IL1RAPL1: variants seen among roughly 807,000 people sequenced by gnomAD.
IL1RAPL1 encodes interleukin-1 receptor accessory protein-like 1.
Under a neutral mutation model 48.4 loss-of-function variants are expected in IL1RAPL1, and 3 were observed. The observed-to-expected ratio is 0.06, with a 90% CI of 0.03 to 0.16. The LOEUF (loss-of-function observed/expected upper bound fraction) is 0.16, where lower values mean the gene tolerates loss of function less well. Among genes scored for constraint, IL1RAPL1 ranks in the 10% least tolerant of loss-of-function variants. IL1RAPL1 has a pLI of 1.00. For missense variants in IL1RAPL1, 349 were observed against 530.6 expected (o/e 0.66, Z 3.36); for synonymous variants, 185 against 187.7 (o/e 0.99, Z 0.12).
At chrX:29,450,120 T>C (rs1015228923) in intron 5 of IL1RAPL1, among the ~76,000 whole-genome samples, 8 of 112,137 alleles carry the variant, frequency 7.1e-5, no homozygotes, top group Non-Finnish European at 1.3e-4. Flanking sequence ...TGTTTTGCTT[T>C]GTAATTAAGG....
chrX:29,596,393 T>C (rs1326731599), intron 5 of IL1RAPL1, among the ~76,000 whole-genome samples: 1 of 112,346 alleles, frequency 8.9e-6, no homozygotes, highest in Non-Finnish European at 1.9e-5. Flanking sequence ...GTTTGTATCA[T>C]CTATGATTTC....
chrX:29,340,496 G>A (rs766043549), intron 3 of IL1RAPL1, among the ~76,000 whole-genome samples: 1 of 111,742 alleles, frequency 8.9e-6, no homozygotes, highest in Admixed American at 9.5e-5. Context: ...ATGTTCATCC[G>A]CATTCTGTCG....
intron 5 of IL1RAPL1, among the ~76,000 whole-genome samples, chrX:29,476,291 G>A (rs1442268482): frequency 8.9e-6 from 1 of 111,859 alleles, no homozygotes; most frequent in East Asian, 2.8e-4. Flanking sequence ...CATAATAAAG[G>A]CAAAAACAAT....
At chrX:29,872,897 G>C (rs1347866000) in intron 6 of IL1RAPL1, among the ~76,000 whole-genome samples, 3 of 112,515 alleles carry the variant, frequency 2.7e-5, no homozygotes, top group Non-Finnish European at 5.6e-5. Flanking sequence ...TAAAAGGTGA[G>C]AGAAAGAATG....
intron 2 of IL1RAPL1, among the ~76,000 whole-genome samples, chrX:28,915,715 T>C (rs1272471810): frequency 1.8e-5 from 2 of 111,190 alleles, no homozygotes; most frequent in Non-Finnish European, 3.8e-5. Flanking sequence ...TATCTATAAA[T>C]GAGATTAAAA....
chrX:28,832,392 T>C (rs59253348), intron 2 of IL1RAPL1, among the ~76,000 whole-genome samples: 12,456 of 111,150 alleles, frequency 0.11, 1,184 homozygotes, highest in East Asian at 0.31. Context: ...TTGTTTTTAT[T>C]CTACTCAATA....
intron 9 of IL1RAPL1, among the ~76,000 whole-genome samples, chrX:29,946,741 G>T (rs183136455): frequency 2.9e-4 from 33 of 111,905 alleles, no homozygotes; most frequent in African/African-American, 1.0e-3. Context: ...CCAGTGGTAG[G>T]ATTGAACTCA....
chrX:29,816,171 A>G (rs184153059), intron 6 of IL1RAPL1, among the ~76,000 whole-genome samples: 83 of 111,475 alleles, frequency 7.4e-4, no homozygotes, highest in African/African-American at 2.5e-3. Context: ...TAAATAGACT[A>G]CTAGTTAGAT....
At chrX:29,183,150 A>T (rs140779826) in intron 2 of IL1RAPL1, among the ~76,000 whole-genome samples, 507 of 111,713 alleles carry the variant, frequency 4.5e-3, no homozygotes, top group Non-Finnish European at 6.8e-3. Flanking sequence ...TCATGTCCCA[A>T]GTACTTAAGG....
chrX:29,187,652 C>T (rs993597550), intron 2 of IL1RAPL1, among the ~76,000 whole-genome samples: 4 of 85,302 alleles, frequency 4.7e-5, no homozygotes, highest in African/African-American at 1.5e-4. Flanking sequence ...CACCAAAGTA[C>T]CTCTACTTGC....
At chrX:29,925,084 G>A (rs546176269) in intron 8 of IL1RAPL1, among the ~76,000 whole-genome samples, 3 of 111,012 alleles carry the variant, frequency 2.7e-5, no homozygotes, top group Admixed American at 9.7e-5. Context: ...GTCATAAAAC[G>A]GTGCAAACTT....
intron 5 of IL1RAPL1, among the ~76,000 whole-genome samples, chrX:29,572,505 A>C (rs12556307): frequency 0.13 from 15,015 of 112,010 alleles, 1,786 homozygotes; most frequent in African/African-American, 0.39. Context: ...TTTTTAATGA[A>C]AATTTGTTTA....
chrX:28,717,139 A>T, intron 1 of IL1RAPL1, among the ~76,000 whole-genome samples: 1 of 112,133 alleles, frequency 8.9e-6, no homozygotes, highest in Non-Finnish European at 1.9e-5. Flanking sequence ...CAGCAATCCC[A>T]TTACTGGGTA....
intron 3 of IL1RAPL1, among the ~76,000 whole-genome samples, chrX:29,323,713 TTATATATATATATATATATATA>T (rs1172683563): frequency 3.7e-4 from 4 of 10,952 alleles, no homozygotes; most frequent in East Asian, 2.9e-3. Flanking sequence ...ACTGAATTTT[TTATATATATATATATATATATA>T]TATATATATA....
chrX:28,851,026 T>C (rs1308186614), intron 2 of IL1RAPL1, among the ~76,000 whole-genome samples: 4 of 106,115 alleles, frequency 3.8e-5, no homozygotes, highest in Non-Finnish European at 3.9e-5. Context: ...TGATGACTCT[T>C]TACTAGGTCC....
chrX:28,960,561 A>G (rs1296974145), intron 2 of IL1RAPL1, among the ~76,000 whole-genome samples: 2 of 112,004 alleles, frequency 1.8e-5, no homozygotes, highest in South Asian at 3.7e-4. Context: ...GTACATGCCA[A>G]GTAATCTATA....
intron 5 of IL1RAPL1, among the ~76,000 whole-genome samples, chrX:29,490,306 C>T (rs1430788623): frequency 2.2e-4 from 24 of 111,064 alleles, no homozygotes; most frequent in African/African-American, 7.2e-4. Flanking sequence ...CCGAGGTGGG[C>T]GGATCACTTG....
intron 5 of IL1RAPL1, among the ~76,000 whole-genome samples, chrX:29,666,786 A>G (rs1303709221): frequency 9.0e-6 from 1 of 111,043 alleles, no homozygotes; most frequent in Non-Finnish European, 1.9e-5. Flanking sequence ...AAAACTGTCA[A>G]GTCGTCTACT....
chrX:28,714,847 C>A (rs1935484088), intron 1 of IL1RAPL1, among the ~76,000 whole-genome samples: 1 of 111,877 alleles, frequency 8.9e-6, no homozygotes, highest in African/African-American at 3.2e-5. Context: ...ATGGTCCTTT[C>A]CATGGTTATA....
Sources: gnomAD v4.1 joint callset for allele counts (sites outside exome capture counted in the v4.1 genomes callset) on GRCh38, gnomAD v4.1.1 for gene constraint, MANE v1.5 for transcripts, NCBI Gene and HGNC (gene_info 2026-07-23, HGNC 2026-07-21) for gene names.